The following EFTUD2 variants were observed in gnomAD, a reference collection of about 807,000 sequenced individuals.
EFTUD2 encodes the protein elongation factor Tu GTP binding domain containing 2, also known as 116 kDa U5 small nuclear ribonucleoprotein component.
EFTUD2 carries 9 observed loss-of-function variants against 114.3 expected under a neutral mutation model. The observed-to-expected ratio is 0.08, with a 90% CI of 0.05 to 0.14. EFTUD2 has a LOEUF of 0.14. EFTUD2 is among the 10% of genes least tolerant of loss of function. The pLI, the probability that EFTUD2 is intolerant of heterozygous loss-of-function variation, is 1.00. For synonymous variants in EFTUD2, 449 were observed against 462.3 expected, an observed-to-expected ratio of 0.97 and a Z score of 0.37; for missense variants, 765 against 1,241.2, an observed-to-expected ratio of 0.62 and a Z score of 5.76.
intron 17 of EFTUD2, 61 bp downstream of exon 17, chr17:44,860,371 A>C (rs2050633704): frequency 8.5e-7 from 1 of 1,170,538 alleles, no homozygotes; most frequent in Non-Finnish European, 1.3e-6. Context: ...GTTTGTGCTC[A>C]TGTGTGTCCC....
chr17:44,851,948 G>A (rs1162843220), intron 26 of EFTUD2, 131 bp from the exon 27 acceptor site: 5 of 833,092 alleles, frequency 6.0e-6, no homozygotes, highest in African/African-American at 3.6e-5. Context: ...ATGGAGTTTC[G>A]CTCTTGTCTC....
chr17:44,879,992 T>C (rs1376908007), intron 8 of EFTUD2, among the ~76,000 whole-genome samples: 1 of 152,146 alleles, frequency 6.6e-6, no homozygotes, highest in East Asian at 1.9e-4. Flanking sequence ...GAGCACAGTG[T>C]GCTGCTCGAG....
At chr17:44,874,013 C>T (rs374886067) in intron 10 of EFTUD2, among the ~76,000 whole-genome samples, 9 of 147,148 alleles carry the variant, frequency 6.1e-5, no homozygotes, top group African/African-American at 1.8e-4. Context: ...AGATTACAGG[C>T]GTGAGCCACC....
At chr17:44,868,570 A>G in intron 11 of EFTUD2, 1 of 511,794 alleles carries the variant, frequency 2.0e-6, no homozygotes, top group Non-Finnish European at 3.5e-6. Context: ...CAAAATGAGA[A>G]CCCAAGCCTC....
intron 8 of EFTUD2, among the ~76,000 whole-genome samples, chr17:44,880,221 A>G (rs1260777440): frequency 1.3e-5 from 2 of 152,230 alleles, no homozygotes; most frequent in Non-Finnish European, 2.9e-5. Context: ...CAAAAGACTG[A>G]GAGTACTCAA....
At chr17:44,876,446 G>C (rs2050950667) in intron 9 of EFTUD2, among the ~76,000 whole-genome samples, 1 of 152,178 alleles carries the variant, frequency 6.6e-6, no homozygotes, top group African/African-American at 2.4e-5. Flanking sequence ...TATGTGTGTA[G>C]AAATAGTTAT....
chr17:44,895,822 AC>A (rs1248077844), intron 1 of EFTUD2: 1 of 152,168 alleles, frequency 6.6e-6, no homozygotes, highest in African/African-American at 2.4e-5. Context: ...AATACCTTAC[AC>A]ACCTAAGGAT....
intron 5 of EFTUD2, 119 bp downstream of exon 5, chr17:44,883,530 C>G: frequency 1.1e-6 from 1 of 940,758 alleles, no homozygotes; most frequent in South Asian, 1.3e-5. Context: ...ATGCAGCACC[C>G]CTAGTCAGGA....
At chr17:44,860,594 AATTTT>A in intron 16 of EFTUD2, 51 bp from the exon 17 acceptor site, 1 of 1,007,002 alleles carries the variant, frequency 9.9e-7, no homozygotes, top group Non-Finnish European at 1.5e-6. Context: ...AGCATTCCCT[AATTTT>A]TTTTTTTTTT....
chr17:44,888,731 T>C (rs927179795), intron 2 of EFTUD2, among the ~76,000 whole-genome samples: 2 of 152,284 alleles, frequency 1.3e-5, no homozygotes, highest in African/African-American at 4.8e-5. Flanking sequence ...AAAACAGCCT[T>C]GCCTTTATTG....
intron 25 of EFTUD2, 39 bp downstream of exon 25, chr17:44,853,257 G>A (rs2050488524): frequency 1.2e-6 from 2 of 1,601,010 alleles, no homozygotes; most frequent in African/African-American, 1.3e-5. Flanking sequence ...TTCTGCTCTT[G>A]CTCTCAGCAC....
In EFTUD2 at chr17:44,850,488, T is replaced by G. The variant is rs2231651; in HGVS notation, c.*786A>C. 3,226 of 901,722 alleles carry G rather than the reference T, an allele frequency of 3.6e-3. 31 individuals carry two copies. Among genetic ancestry groups the G allele is most frequent in the Middle Eastern group, 0.019 (87 of 4,576 alleles). The allele number at this position is 901,722 out of a possible 1,614,324, so 55.9% of individuals were successfully genotyped here. The stretch of plus-strand genomic sequence containing the variant: ...AGTTTTGAGGAAAATCAACAGACTC[T>G]TTTTCACTGGGGGAGAACAGAGTAA... On this transcript the variant is annotated 3_prime_UTR_variant, in exon 28 of 28. Transcript: ENST00000426333.
At chr17:44,853,898 A>G (rs1294959572) in intron 23 of EFTUD2, 5 of 1,374,136 alleles carry the variant, frequency 3.6e-6, no homozygotes, top group East Asian at 2.7e-5. Context: ...TCTTCTGCAC[A>G]TATTTACATT....
chr17:44,861,641 C>T (rs903053306), intron 16 of EFTUD2, among the ~76,000 whole-genome samples: 1 of 151,632 alleles, frequency 6.6e-6, no homozygotes, highest in Non-Finnish European at 1.5e-5. Flanking sequence ...GCTGAGGCAG[C>T]AGAATGGCAT....
chr17:44,891,792 T>C (rs1174078377), intron 2 of EFTUD2: 2 of 152,180 alleles, frequency 1.3e-5, no homozygotes, highest in South Asian at 2.1e-4. Context: ...CGATCAATTT[T>C]AGATCATTTT....
rs116984152 is a variant in EFTUD2, at chr17:44,877,074, T to C, written c.703-974A>G. ...AGCTGGGCATGTTGGCACATACCTGTAGTCCCAGCTATTTGGGAGGCTGAA... is the reference window on the plus strand; with the variant it reads ...AGCTGGGCATGTTGGCACATACCTGCAGTCCCAGCTATTTGGGAGGCTGAA... On this transcript the variant is annotated intron_variant, in intron 9 of 27. Coordinates refer to ENST00000426333, the MANE Select transcript of EFTUD2 (RefSeq NM_004247.4). 1.3e-3 allele frequency among the ~76,000 whole-genome samples: 195 copies of C among 152,158 alleles called. 1 individual carries two copies. In the East Asian group the frequency reaches 0.016, roughly 13 times the overall value.
At chr17:44,863,930 C>G (rs2050701447) in intron 14 of EFTUD2, 148 bp from the exon 15 acceptor site, 1 of 1,040,956 alleles carries the variant, frequency 9.6e-7, no homozygotes, top group African/African-American at 1.6e-5. Flanking sequence ...ATAGTGATAG[C>G]CTGCTTCCTG....
rs367761418 is a variant in EFTUD2, at chr17:44,862,950, C to T, written c.1414-44G>A. ...TGCAGCTTCAACCACATCTATGCTC[C>T]GGGGAAGTACTACTCCCCGCCATCT... On this transcript the variant is annotated intron_variant, in intron 15 of 27. Transcript: ENST00000426333. 1.2e-5 allele frequency: 18 copies of T among 1,530,066 alleles called. No homozygotes were observed. The East Asian group carries it at 1.8e-4, about 16-fold the overall frequency. 94.8% of individuals were successfully genotyped at this position (1,530,066 alleles called of 1,614,324 possible).
At chr17:44,859,821 C>T in intron 18 of EFTUD2, 84 bp downstream of exon 18, 1 of 1,597,684 alleles carries the variant, frequency 6.3e-7, no homozygotes, top group Non-Finnish European at 8.6e-7. Flanking sequence ...TCATGAACAC[C>T]TGATGGATGG....
Sources: allele counts gnomAD v4.1 joint callset (sites outside exome capture counted in the v4.1 genomes callset), GRCh38; gene constraint gnomAD v4.1.1; transcripts MANE v1.5; gene names NCBI Gene and HGNC (gene_info 2026-07-23, HGNC 2026-07-21).